Variants in SELENOI observed in about 807,000 individuals in gnomAD.
SELENOI encodes the protein selenoprotein I.
A neutral mutation model predicts 50.7 loss-of-function variants in SELENOI; 24 were observed. That is an observed-to-expected ratio of 0.47 (90% CI 0.34 to 0.67). The LOEUF (loss-of-function observed/expected upper bound fraction) is 0.67. Ranked by LOEUF, SELENOI falls within the 30% of genes least tolerant of loss-of-function variation. The pLI is 0.01. For synonymous variants in SELENOI, 155 were observed against 170.2 expected (o/e 0.91, Z 0.70); for missense variants, 352 against 461.4 (o/e 0.76, Z 2.17).
At chr2:26,366,048 G>A (rs1044960430) in intron 3 of SELENOI, among the ~76,000 whole-genome samples, 9 of 152,080 alleles carry the variant, frequency 5.9e-5, no homozygotes, top group East Asian at 3.9e-4. Flanking sequence ...TGATCCACCC[G>A]CCTTGGCCTC....
intron 6 of SELENOI, among the ~76,000 whole-genome samples, chr2:26,380,247 G>T (rs1217659715): frequency 6.6e-6 from 1 of 152,062 alleles, no homozygotes; most frequent in Non-Finnish European, 1.5e-5. Flanking sequence ...TTCCTCAGAG[G>T]TAACCATTCT....
intron 1 of SELENOI, among the ~76,000 whole-genome samples, chr2:26,348,850 A>C (rs1329629250): frequency 6.6e-6 from 1 of 151,894 alleles, no homozygotes; most frequent in Non-Finnish European, 1.5e-5. Flanking sequence ...TGGATATTGA[A>C]AGGGTGCTTT....
chr2:26,394,797 A>C lies in SELENOI; in HGVS notation c.*5694A>C, dbSNP rs1194067842. On this transcript the variant is annotated 3_prime_UTR_variant, in exon 10 of 10. Transcript: ENST00000260585. The surrounding 1 kb of genome is among the most constrained non-coding windows in gnomAD (Gnocchi z 4.1). ...TAGCCAGTTGTAGAAAAAGAAATTG[A>C]TATCTTTCTGAGTAAGGTTTCATGC... 1 of 152,218 alleles carries C rather than the reference A, an allele frequency of 6.6e-6. No individual in the cohort carries two copies. Among genetic ancestry groups the C allele is most frequent in the African/African-American group, 2.4e-5 (1 of 41,454 alleles). 9.4% of individuals were successfully genotyped at this position (152,218 alleles called of 1,614,324 possible).
At chr2:26,373,777 A>G (rs1304651527) in intron 5 of SELENOI, 148 bp downstream of exon 5, 5 of 779,786 alleles carry the variant, frequency 6.4e-6, no homozygotes, top group South Asian at 2.1e-5. Flanking sequence ...GAAAATTTCA[A>G]AAATAGAATA....
At chr2:26,348,027 TG>T (rs1357835750) in intron 1 of SELENOI, among the ~76,000 whole-genome samples, 1 of 152,122 alleles carries the variant, frequency 6.6e-6, no homozygotes, top group Non-Finnish European at 1.5e-5. Context: ...GAGGCTTCCT[TG>T]GGGAAAAAAA....
intron 1 of SELENOI, among the ~76,000 whole-genome samples, chr2:26,357,045 A>C (rs1475794748): frequency 6.6e-6 from 1 of 151,552 alleles, no homozygotes; most frequent in Non-Finnish European, 1.5e-5. Flanking sequence ...ACTGTAATAC[A>C]TTAAGATCTT....
intron 6 of SELENOI, among the ~76,000 whole-genome samples, chr2:26,377,911 T>G (rs1336484783): frequency 6.6e-6 from 1 of 152,212 alleles, no homozygotes; most frequent in African/African-American, 2.4e-5. Flanking sequence ...TAGATTATAT[T>G]TGTGGAGACT....
intron 4 of SELENOI, among the ~76,000 whole-genome samples, chr2:26,368,463 C>A (rs1361077629): frequency 6.6e-6 from 1 of 152,142 alleles, no homozygotes; most frequent in Non-Finnish European, 1.5e-5. Context: ...CTGGCAAAAA[C>A]CCTGGTCTGA....
intron 8 of SELENOI, 109 bp from the exon 9 acceptor site, chr2:26,386,245 G>T: frequency 3.7e-6 from 4 of 1,079,602 alleles, no homozygotes; most frequent in Non-Finnish European, 5.4e-6. Context: ...TAAGTGTGTT[G>T]GTTCAGGTAC....
At chr2:26,362,959 G>T (rs182130891) in intron 1 of SELENOI, among the ~76,000 whole-genome samples, 2 of 152,236 alleles carry the variant, frequency 1.3e-5, no homozygotes, top group Admixed American at 1.3e-4. Flanking sequence ...GTGTGTGTGT[G>T]TGGAGTGAAT....
At chr2:26,358,452 T>C (rs1008885079) in intron 1 of SELENOI, among the ~76,000 whole-genome samples, 2 of 152,078 alleles carry the variant, frequency 1.3e-5, no homozygotes, top group Admixed American at 6.5e-5. Context: ...ACTCCTGGGC[T>C]CAAGTGATTC....
intron 6 of SELENOI, among the ~76,000 whole-genome samples, chr2:26,378,092 C>G (rs1677605836): frequency 6.6e-6 from 1 of 151,998 alleles, no homozygotes; most frequent in Non-Finnish European, 1.5e-5. Flanking sequence ...TCTTGGGGGT[C>G]TCCTTTGTGT....
chr2:26,359,525 C>T (rs1011843371), intron 1 of SELENOI, among the ~76,000 whole-genome samples: 15 of 152,040 alleles, frequency 9.9e-5, no homozygotes, highest in Middle Eastern at 3.2e-3. Flanking sequence ...TGCCTGTAAT[C>T]CCAACTACTC....
rs57102834 is a variant in SELENOI, at chr2:26,381,198, CTTTTTTTTTTTTTTT to C, written c.683-2084_683-2070del. On this transcript the variant is annotated intron_variant, in intron 6 of 9. Transcript: ENST00000260585. ...TGGATTGTATCTCCTTCAGTTTGGTCTTTTTTTTTTTTTTTTTTTTTTTTTTTTTTTACAAATTCT... is the reference window on the plus strand; with the variant it reads ...TGGATTGTATCTCCTTCAGTTTGGTCTTTTTTTTTTTTTTTTACAAATTCT... Among the ~76,000 whole-genome samples, 108 of 30,206 alleles carry C rather than the reference CTTTTTTTTTTTTTTT, an allele frequency of 3.6e-3. 3 individuals are homozygous for C. Among genetic ancestry groups the C allele is most frequent in the East Asian group, 0.019 (18 of 928 alleles). The allele number at this position is 30,206 out of a possible 152,430, so 19.8% of individuals were successfully genotyped here. A position where few individuals can be genotyped will look rare whatever the true frequency, so the allele number is the denominator to read the frequency against.
intron 6 of SELENOI, among the ~76,000 whole-genome samples, chr2:26,375,668 G>A (rs1458204037): frequency 6.6e-6 from 1 of 152,168 alleles, no homozygotes; most frequent in Non-Finnish European, 1.5e-5. Context: ...TAGGATGATT[G>A]ACTGAGTGGA....
intron 4 of SELENOI, among the ~76,000 whole-genome samples, chr2:26,369,718 A>C (rs1477400387): frequency 6.6e-6 from 1 of 151,972 alleles, no homozygotes; most frequent in African/African-American, 2.4e-5. Flanking sequence ...ATTCCCTACA[A>C]CTTTTAAACT....
At chr2:26,374,985 C>T in intron 5 of SELENOI, 55 bp from the exon 6 acceptor site, 1 of 1,234,254 alleles carries the variant, frequency 8.1e-7, no homozygotes, top group South Asian at 1.2e-5. Context: ...ATGGTGACTC[C>T]TGATCTTTCT....
chr2:26,370,483 G>A (rs1245971110), intron 4 of SELENOI, among the ~76,000 whole-genome samples: 9 of 150,446 alleles, frequency 6.0e-5, no homozygotes, highest in African/African-American at 2.2e-4. Flanking sequence ...TGGCTGGGCG[G>A]GGGGCTGACC....
At chr2:26,384,570 CT>C (rs1677800527) in intron 7 of SELENOI, among the ~76,000 whole-genome samples, 1 of 152,176 alleles carries the variant, frequency 6.6e-6, no homozygotes, top group African/African-American at 2.4e-5. Context: ...CAAAGCCGCA[CT>C]TTGAGGTACT....
Sources: gnomAD v4.1 joint callset for allele counts (sites outside exome capture counted in the v4.1 genomes callset) on GRCh38, gnomAD v4.1.1 for gene constraint, Gnocchi (gnomAD v3.1) non-coding constraint, MANE v1.5 for transcripts, NCBI Gene and HGNC (gene_info 2026-07-23, HGNC 2026-07-21) for gene names.